The following CPNE5 variants were observed in gnomAD, a reference collection of about 807,000 sequenced individuals.
CPNE5 encodes the protein copine-5.
A neutral mutation model predicts 81.1 loss-of-function variants in CPNE5; 42 were observed. That is an observed-to-expected ratio of 0.52 (90% CI 0.40 to 0.67). CPNE5 has a LOEUF of 0.67. Ranked by LOEUF, CPNE5 falls within the 30% of genes least tolerant of loss-of-function variation. The pLI is 0.00. For missense variants in CPNE5, 612 were observed against 815.5 expected, an observed-to-expected ratio of 0.75 and a Z score of 3.04; for synonymous variants, 313 against 321.5, an observed-to-expected ratio of 0.97 and a Z score of 0.28.
chr6:36,808,270 T>C (rs1770778877), intron 3 of CPNE5, among the ~76,000 whole-genome samples: 2 of 152,054 alleles, frequency 1.3e-5, no homozygotes, highest in African/African-American at 2.4e-5. Context: ...TTTGTATTTT[T>C]AGTAGAGGCG....
intron 1 of CPNE5, among the ~76,000 whole-genome samples, chr6:36,823,739 C>A (rs1772261765): frequency 6.6e-6 from 1 of 152,182 alleles, no homozygotes; most frequent in Non-Finnish European, 1.5e-5. Flanking sequence ...GCTAAGCTCC[C>A]CTTGTCCTGC....
At chr6:36,825,174 A>T (rs1772395254) in intron 1 of CPNE5, among the ~76,000 whole-genome samples, 1 of 152,108 alleles carries the variant, frequency 6.6e-6, no homozygotes, top group Non-Finnish European at 1.5e-5. Flanking sequence ...TTGACCCCAT[A>T]ATCAACCCTA....
intron 3 of CPNE5, among the ~76,000 whole-genome samples, chr6:36,817,999 C>G (rs1771704371): frequency 6.6e-6 from 1 of 152,170 alleles, no homozygotes; most frequent in Non-Finnish European, 1.5e-5. Context: ...CAGGATGCTA[C>G]TGGGCCCCTG....
chr6:36,745,278 C>G, intron 17 of CPNE5, 110 bp downstream of exon 17: 1 of 1,465,454 alleles, frequency 6.8e-7, no homozygotes, highest in East Asian at 2.4e-5. Flanking sequence ...TCAGGGCTCC[C>G]TGAAAGGCAA....
At chr6:36,769,897 G>C (rs1367897764) in intron 10 of CPNE5, among the ~76,000 whole-genome samples, 1 of 152,172 alleles carries the variant, frequency 6.6e-6, no homozygotes, top group Non-Finnish European at 1.5e-5. Flanking sequence ...GCAGAAGTGG[G>C]AAGCTGCGGT....
At chr6:36,816,819 C>T (rs953472823) in intron 3 of CPNE5, among the ~76,000 whole-genome samples, 6 of 152,286 alleles carry the variant, frequency 3.9e-5, no homozygotes, top group Non-Finnish European at 7.3e-5. Flanking sequence ...CATTCTGTTG[C>T]CCAGGCTGGA....
At chr6:36,755,338 T>C (rs995850104) in intron 13 of CPNE5, 22 of 152,198 alleles carry the variant, frequency 1.4e-4, no homozygotes, top group African/African-American at 5.1e-4. Context: ...AGAAAGTGGC[T>C]TGTTCTAGAA....
rs1344075861 is a variant in CPNE5, at chr6:36,741,411, G to C, written c.*857C>G. On this transcript the variant is annotated 3_prime_UTR_variant, in exon 21 of 21. Coordinates refer to ENST00000244751, the MANE Select transcript of CPNE5 (RefSeq NM_020939.2). ...TGTCTCCTAGCCTCATGGGATACAGGGCAAAGAGCAGGAGCAGTGTGGGAA... is the reference window on the plus strand; with the variant it reads ...TGTCTCCTAGCCTCATGGGATACAGCGCAAAGAGCAGGAGCAGTGTGGGAA... 4 of 152,208 alleles carry C rather than the reference G, an allele frequency of 2.6e-5. No individual in the cohort carries two copies. The highest frequency in any genetic ancestry group is 9.7e-5 in the African/African-American group (4 of 41,442). The allele number at this position is 152,208 out of a possible 1,614,324, so 9.4% of individuals were successfully genotyped here.
chr6:36,794,137 G>A (rs1371054484), intron 7 of CPNE5, among the ~76,000 whole-genome samples: 1 of 151,590 alleles, frequency 6.6e-6, no homozygotes, highest in African/African-American at 2.4e-5. Flanking sequence ...GTGAGGAGGA[G>A]GCGGACATCC....
chr6:36,768,376 C>T (rs550067154), intron 10 of CPNE5, among the ~76,000 whole-genome samples: 4 of 151,722 alleles, frequency 2.6e-5, no homozygotes, highest in African/African-American at 7.3e-5. Flanking sequence ...GGATTACAGG[C>T]GCATGCCATC....
At chr6:36,810,706 C>T (rs750696945) in intron 3 of CPNE5, among the ~76,000 whole-genome samples, 10 of 152,206 alleles carry the variant, frequency 6.6e-5, no homozygotes, top group Non-Finnish European at 1.2e-4. Context: ...ATTCTGTGGC[C>T]ACCCCTCCTC....
chr6:36,775,091 G>C, intron 9 of CPNE5, 26 bp from the exon 10 acceptor site: 3 of 1,588,480 alleles, frequency 1.9e-6, no homozygotes, highest in Non-Finnish European at 2.6e-6. Flanking sequence ...AGAGGGAAAG[G>C]CTGTCAGGCC....
chr6:36,752,940 A>G (rs762411765), intron 14 of CPNE5, 94 bp downstream of exon 14: 12 of 1,028,314 alleles, frequency 1.2e-5, no homozygotes, highest in Non-Finnish European at 1.8e-5. Context: ...CAGGGCTTTG[A>G]AGAGGCCAGG....
chr6:36,756,129 T>C, intron 13 of CPNE5, 116 bp downstream of exon 13: 1 of 586,876 alleles, frequency 1.7e-6, no homozygotes, highest in Non-Finnish European at 3.0e-6. Context: ...CTTGGATGTC[T>C]GATTCCCACG....
chr6:36,745,291 G>T, intron 17 of CPNE5, 97 bp downstream of exon 17: 1 of 1,474,914 alleles, frequency 6.8e-7, no homozygotes, highest in Non-Finnish European at 9.2e-7. Context: ...AAAGGCAAGT[G>T]CGTGGGAAGA....
At chr6:36,768,705 T>G (rs922511491) in intron 10 of CPNE5, among the ~76,000 whole-genome samples, 1 of 152,002 alleles carries the variant, frequency 6.6e-6, no homozygotes, top group Non-Finnish European at 1.5e-5. Flanking sequence ...GCTTATTGGG[T>G]GTGGGAAAAT....
intron 3 of CPNE5, among the ~76,000 whole-genome samples, chr6:36,802,047 T>C (rs183722991): frequency 0.035 from 5,320 of 151,864 alleles, 319 homozygotes; most frequent in African/African-American, 0.12. Flanking sequence ...GGTGAAACCC[T>C]GTCTCTACTA....
intron 3 of CPNE5, among the ~76,000 whole-genome samples, chr6:36,801,486 A>G (rs886818508): frequency 2.0e-5 from 3 of 152,212 alleles, no homozygotes; most frequent in Admixed American, 2.0e-4. Context: ...TAGGCCAACC[A>G]TCCCATCAAA....
intron 3 of CPNE5, among the ~76,000 whole-genome samples, chr6:36,817,593 G>A (rs1263942061): frequency 1.3e-5 from 2 of 152,110 alleles, no homozygotes; most frequent in African/African-American, 2.4e-5. Context: ...CACCAGCCAT[G>A]CTCCTCTGTC....
Sources: allele counts gnomAD v4.1 joint callset (sites outside exome capture counted in the v4.1 genomes callset), GRCh38; gene constraint gnomAD v4.1.1; transcripts MANE v1.5; gene names NCBI Gene and HGNC (gene_info 2026-07-23, HGNC 2026-07-21).